The following ZBTB25 variants were observed in gnomAD, a reference collection of about 807,000 sequenced individuals.
The protein encoded by ZBTB25 is zinc finger and BTB domain-containing protein 25.
Under a neutral mutation model 34.2 loss-of-function variants are expected in ZBTB25, and 20 were observed. The observed-to-expected ratio is 0.58, with a 90% CI of 0.41 to 0.85. The LOEUF is 0.85. ZBTB25 is among the 40% of genes least tolerant of loss of function. ZBTB25 has a pLI of 0.00. For missense variants in ZBTB25, 437 were observed against 521.8 expected (o/e 0.84, Z 1.58); for synonymous variants, 175 against 186.4 (o/e 0.94, Z 0.50).
downstream of ZBTB25, among the ~76,000 whole-genome samples, chr14:64,477,198 GGCTGTCACGCACAGCTGT>G (rs367691081): frequency 3.3e-5 from 5 of 152,310 alleles, no homozygotes; most frequent in African/African-American, 1.2e-4. Context: ...GGAAAGGCAA[GGCTGTCACGCACAGCTGT>G]GCCATTGGCA....
rs1012644787 is a variant in ZBTB25 at position 64,464,084 on chromosome 14, C to T, written c.174-14446G>A. Among the ~76,000 whole-genome samples, 5 of 150,840 alleles carry T rather than the reference C, an allele frequency of 3.3e-5. No individual in the cohort carries two copies. The South Asian group carries it at 8.4e-4, about 25-fold the overall frequency. ...GGTCTCACTTTGTTGCCCAGGCTGGCGTGCAGTGGTGCAGTAGTGGCTCAC... is the reference window on the plus strand; with the variant it reads ...GGTCTCACTTTGTTGCCCAGGCTGGTGTGCAGTGGTGCAGTAGTGGCTCAC... On this transcript the variant is annotated intron_variant, in intron 2 of 2. Transcript: ENST00000555220.
intron 2 of ZBTB25, among the ~76,000 whole-genome samples, chr14:64,466,012 C>CAA (rs2078609537): frequency 6.6e-6 from 1 of 152,274 alleles, no homozygotes; most frequent in South Asian, 2.1e-4. Context: ...TGTCTCCTGC[C>CAA]ATAAGGGGCG....
In ZBTB25 at chr14:64,487,200, G is replaced by A. The variant is rs760366874; in HGVS notation, c.1031C>T (p.Ser344Leu). Residue 344 changes from serine (S) to leucine (L), a missense_variant, in exon 3 of 3, where the codon TCA becomes TTA. Coordinates refer to ENST00000608382, the MANE Select transcript of ZBTB25 (RefSeq NM_006977.5). ...PVELNCNFSF[S>L]RKRKMSCTIC... The stretch of plus-strand genomic sequence containing the variant: ...GGTACAGCTCATTTTTCTTTTCCTT[G>A]AAAAAGAAAAATTACAGTTTAATTC... 6.8e-6 allele frequency: 11 copies of A among 1,613,370 alleles called. No homozygotes were observed. The African/African-American group carries it at 1.3e-4, about 20-fold the overall frequency.
At chr14:64,505,051 G>T, upstream of ZBTB25, 1 of 374,904 alleles carries the variant, frequency 2.7e-6, no homozygotes. Context: ...GCGCCGATCC[G>T]TGCGGGGAGC....
intron 2 of ZBTB25, chr14:64,458,623 A>G (rs1316424124): frequency 1.2e-5 from 5 of 407,518 alleles, no homozygotes; most frequent in Non-Finnish European, 2.3e-5. Context: ...CTGAAGCCCC[A>G]GGAGGCTTGG....
intron 2 of ZBTB25, chr14:64,465,658 G>T (rs1342954062): frequency 6.6e-6 from 1 of 152,326 alleles, no homozygotes; most frequent in Non-Finnish European, 1.5e-5. Flanking sequence ...GGAGGGTCGG[G>T]GGCAATGTCC....
intron 1 of ZBTB25, among the ~76,000 whole-genome samples, chr14:64,499,209 A>G (rs1418301928): frequency 6.6e-6 from 1 of 152,228 alleles, no homozygotes; most frequent in Non-Finnish European, 1.5e-5. Flanking sequence ...TATGTTGACT[A>G]CATTAAATGA....
chr14:64,499,759 T>C (rs1327958284), intron 1 of ZBTB25, among the ~76,000 whole-genome samples: 1 of 152,178 alleles, frequency 6.6e-6, no homozygotes, highest in Non-Finnish European at 1.5e-5. Context: ...GATACAGAAA[T>C]TCTAAATCTG....
upstream of ZBTB25, chr14:64,504,952 T>A (rs2140055092): frequency 2.5e-6 from 1 of 395,156 alleles, no homozygotes; most frequent in Non-Finnish European, 4.5e-6. Context: ...GGCCGGTAAG[T>A]ATTTGCCAGT....
In ZBTB25 at chr14:64,468,406, A is replaced by G. The variant is rs770372458; in HGVS notation, c.174-18768T>C. The G allele has an allele frequency of 3.1e-6, 5 of 1,601,510 alleles. No individual in the cohort carries two copies. In the African/African-American group the frequency reaches 6.8e-5, roughly 22 times the overall value. ...AGTGCAGTGTAAAAATGGAAACCACAATTTCAGAAATTCATGTAGAAAACA... is the reference window on the plus strand; with the variant it reads ...AGTGCAGTGTAAAAATGGAAACCACGATTTCAGAAATTCATGTAGAAAACA... On this transcript the variant is annotated intron_variant, in intron 2 of 2. Coordinates refer to the ZBTB25 transcript ENST00000555220.
chr14:64,470,184 G>A (rs1339901584), intron 2 of ZBTB25: 13 of 167,182 alleles, frequency 7.8e-5, no homozygotes. Context: ...ACATTCCTAA[G>A]CAGCAGGCTT....
intron 2 of ZBTB25, among the ~76,000 whole-genome samples, chr14:64,457,435 G>A (rs2078492813): frequency 1.3e-5 from 2 of 151,642 alleles, no homozygotes; most frequent in African/African-American, 4.8e-5. Context: ...AGAAGGACAT[G>A]AGGAATCAGT....
intron 1 of ZBTB25, among the ~76,000 whole-genome samples, chr14:64,499,134 T>G (rs1357790317): frequency 6.6e-6 from 1 of 152,206 alleles, no homozygotes. Context: ...CTAAGTAAGA[T>G]AGAACAACTT....
At chr14:64,489,033 G>T (rs2078979590) in intron 2 of ZBTB25, among the ~76,000 whole-genome samples, 1 of 152,160 alleles carries the variant, frequency 6.6e-6, no homozygotes, top group Non-Finnish European at 1.5e-5. Context: ...GATCATCTGA[G>T]GTCAGGAGTT....
At chr14:64,500,805 C>A (rs1318643402) in intron 1 of ZBTB25, among the ~76,000 whole-genome samples, 1 of 152,194 alleles carries the variant, frequency 6.6e-6, no homozygotes, top group African/African-American at 2.4e-5. Flanking sequence ...AATCCCAGCA[C>A]TTTGGGAGGC....
In ZBTB25 at chr14:64,480,358, G is replaced by T. The variant is rs754748989; in HGVS notation, c.*6565C>A. 2.9e-6 allele frequency: 1 copy of T among 342,360 alleles called. No homozygotes were observed. Among genetic ancestry groups the T allele is most frequent in the African/African-American group, 2.4e-5 (1 of 41,630 alleles). The allele number at this position is 342,360 out of a possible 1,614,324, so 21.2% of individuals were successfully genotyped here. A position where few individuals can be genotyped will look rare whatever the true frequency, so the allele number is the denominator to read the frequency against. On this transcript the variant is annotated 3_prime_UTR_variant, in exon 3 of 3. Transcript: ENST00000608382. ...AAAAAAAAAAAAAAGAAGAAGCAAA[G>T]CAAGAAACTTCTGGGAAATGACGAA...
chr14:64,488,015 T>C lies in ZBTB25; in HGVS notation c.216A>G (p.Ile72Met), dbSNP rs373737319. 6 of 1,613,550 alleles carry C rather than the reference T, an allele frequency of 3.7e-6. No homozygotes were observed. Among genetic ancestry groups the C allele is most frequent in the Non-Finnish European group, 5.1e-6 (6 of 1,179,476 alleles). ...KIQPTDIQPD[I>M]FSYLLHIMYT... ...ACATAATGTGCAACAAATAGCTGAA[T>C]ATGTCAGGTTGGATGTCAGTTGGTT... The change falls in exon 3 of 3, where the codon ATA becomes ATG. Residue 72 changes from isoleucine (I) to methionine (M), a missense_variant. By Grantham distance (10) the Ile-to-Met change is conservative (BLOSUM62 1). Coordinates refer to ENST00000608382, the MANE Select transcript of ZBTB25 (RefSeq NM_006977.5).
intron 2 of ZBTB25, chr14:64,459,733 C>A (rs979319675): frequency 8.6e-6 from 13 of 1,520,332 alleles, no homozygotes; most frequent in Admixed American, 8.1e-5. Context: ...TTAGAGAAAA[C>A]ATTTATTTCT....
chr14:64,500,271 A>G (rs2079440746), intron 1 of ZBTB25, among the ~76,000 whole-genome samples: 1 of 152,124 alleles, frequency 6.6e-6, no homozygotes, highest in South Asian at 2.1e-4. Context: ...TTCTTTCGCA[A>G]TGGAAGTATA....
Sources: allele counts gnomAD v4.1 joint callset (sites outside exome capture counted in the v4.1 genomes callset), GRCh38; gene constraint gnomAD v4.1.1; transcripts MANE v1.5; gene names NCBI Gene and HGNC (gene_info 2026-07-23, HGNC 2026-07-21).